The following FHIT variants were observed in gnomAD, a reference collection of about 807,000 sequenced individuals.
The protein encoded by FHIT is bis(5'-adenosyl)-triphosphatase.
In FHIT, 19 loss-of-function variants were observed where a neutral mutation model predicts 17.9. The observed-to-expected ratio is 1.06, with a 90% confidence interval of 0.74 to 1.56. The LOEUF is 1.56. Among genes scored for constraint, FHIT ranks in the 40% most tolerant of loss-of-function variants. FHIT has a pLI of 0.00. For missense variants in FHIT, 248 were observed against 189.2 expected (o/e 1.31, Z -1.82); for synonymous variants, 81 against 69.7 (o/e 1.16, Z -0.81).
chr3:60,960,557 T>A (rs1014032717), intron 3 of FHIT, among the ~76,000 whole-genome samples: 2 of 152,220 alleles, frequency 1.3e-5, no homozygotes, highest in Non-Finnish European at 2.9e-5. Context: ...TATTTCCTAA[T>A]GCTATCCGTC....
intron 5 of FHIT, among the ~76,000 whole-genome samples, chr3:60,534,043 T>C (rs573446021): frequency 5.5e-4 from 84 of 152,228 alleles, no homozygotes; most frequent in African/African-American, 2.0e-3. Context: ...ATTTATGAAA[T>C]GTTAGTGGAC....
intron 4 of FHIT, among the ~76,000 whole-genome samples, chr3:60,668,371 GAAAA>G (rs60941309): frequency 1.5e-5 from 1 of 68,030 alleles, no homozygotes; most frequent in Admixed American, 2.0e-4. Flanking sequence ...GCTCAATCAG[GAAAA>G]AAAAAAAAAA....
chr3:60,243,726 T>C (rs1002129018), intron 5 of FHIT, among the ~76,000 whole-genome samples: 1 of 152,126 alleles, frequency 6.6e-6, no homozygotes, highest in African/African-American at 2.4e-5. Flanking sequence ...ATATAATCTG[T>C]ACGACAGTGG....
chr3:60,625,328 T>C (rs1040378237), intron 4 of FHIT, among the ~76,000 whole-genome samples: 1 of 152,228 alleles, frequency 6.6e-6, no homozygotes, highest in African/African-American at 2.4e-5. Flanking sequence ...CTGAATCATA[T>C]GGCAATTCGT....
At chr3:60,758,365 G>A (rs567162053) in intron 4 of FHIT, among the ~76,000 whole-genome samples, 1 of 152,286 alleles carries the variant, frequency 6.6e-6, no homozygotes, top group African/African-American at 2.4e-5. Flanking sequence ...CCAATGTATG[G>A]ATGCCATCTG....
intron 3 of FHIT, among the ~76,000 whole-genome samples, chr3:60,974,168 G>A (rs1710140586): frequency 6.6e-6 from 1 of 152,140 alleles, no homozygotes; most frequent in African/African-American, 2.4e-5. Context: ...ATTTGAAATA[G>A]CCAGTAGAAA....
intron 5 of FHIT, among the ~76,000 whole-genome samples, chr3:60,114,488 C>CTTTTTTTTTTTTTTTTTTTTTTTTT (rs145618938): frequency 3.4e-5 from 2 of 59,480 alleles, no homozygotes; most frequent in Non-Finnish European, 5.8e-5. Context: ...CAAGAGAAAT[C>CTTTTTTTTTTTTTTTTTTTTTTTTT]CTTTTTTTTT....
intron 3 of FHIT, among the ~76,000 whole-genome samples, chr3:60,945,300 G>C (rs1326839370): frequency 6.6e-6 from 1 of 152,146 alleles, no homozygotes; most frequent in East Asian, 1.9e-4. Context: ...AGTGGTATGA[G>C]ACTAGGTAAA....
At chr3:60,962,360 G>A (rs1223988268) in intron 3 of FHIT, among the ~76,000 whole-genome samples, 4 of 152,126 alleles carry the variant, frequency 2.6e-5, no homozygotes, top group African/African-American at 4.8e-5. Context: ...TAAATGTACA[G>A]TCATGTCATC....
At chr3:59,863,695 G>A (rs1478893041) in intron 8 of FHIT, among the ~76,000 whole-genome samples, 1 of 152,178 alleles carries the variant, frequency 6.6e-6, no homozygotes, top group Admixed American at 6.5e-5. Context: ...AGGCAAAATG[G>A]ATTACATAGC....
chr3:60,280,206 T>A (rs963523155), intron 5 of FHIT, among the ~76,000 whole-genome samples: 1 of 151,980 alleles, frequency 6.6e-6, no homozygotes, highest in Admixed American at 6.6e-5. Flanking sequence ...AAACTAGGAA[T>A]AGATGAAACT....
At chr3:60,672,835 T>C (rs2107845357) in intron 4 of FHIT, among the ~76,000 whole-genome samples, 1 of 151,744 alleles carries the variant, frequency 6.6e-6, no homozygotes, top group Middle Eastern at 3.4e-3. Flanking sequence ...TTTCCATCTT[T>C]ATACCACTAT....
chr3:60,902,350 T>C (rs1041454524), intron 3 of FHIT, among the ~76,000 whole-genome samples: 5 of 152,220 alleles, frequency 3.3e-5, no homozygotes, highest in African/African-American at 1.2e-4. Context: ...TATTGCTGAA[T>C]GGCATCCTAT....
At chr3:61,008,213 T>G (rs1320092170) in intron 3 of FHIT, among the ~76,000 whole-genome samples, 2 of 152,194 alleles carry the variant, frequency 1.3e-5, no homozygotes, top group East Asian at 3.9e-4. Context: ...AGGTAATCAA[T>G]ATCTCAGCCA....
intron 5 of FHIT, among the ~76,000 whole-genome samples, chr3:60,328,805 G>A (rs927830532): frequency 2.6e-5 from 4 of 152,124 alleles, no homozygotes; most frequent in African/African-American, 9.7e-5. Context: ...TCTTTACCAG[G>A]AGCAGTTTTC....
chr3:60,296,864 T>C (rs76017095), intron 5 of FHIT, among the ~76,000 whole-genome samples: 680 of 151,692 alleles, frequency 4.5e-3, no homozygotes, highest in Non-Finnish European at 7.3e-3. Context: ...TTTTCCTAAC[T>C]GTACAATTTG....
rs561713310 is a variant in FHIT, at chr3:60,595,586, C to T, written c.-17-58607G>A. On this transcript the variant is annotated intron_variant, in intron 4 of 9. Coordinates refer to ENST00000492590, the MANE Select transcript of FHIT (RefSeq NM_002012.4). ...ATGTGTATATATATATACGCACATA[C>T]GTATGTGTATATACGTGTAGATATA... 1.1e-3 allele frequency among the ~76,000 whole-genome samples: 163 copies of T among 149,386 alleles called. 2 individuals are homozygous for T. Among genetic ancestry groups the T allele is most frequent in the Middle Eastern group, 0.01 (3 of 288 alleles).
intron 8 of FHIT, among the ~76,000 whole-genome samples, chr3:59,882,793 T>A (rs1016531452): frequency 1.2e-4 from 18 of 152,206 alleles, no homozygotes; most frequent in Non-Finnish European, 2.4e-4. Flanking sequence ...ATATCAGCCT[T>A]GGTTTTGCCT....
chr3:60,328,008 T>A lies in FHIT; in HGVS notation c.103+208852A>T, dbSNP rs144839059. On this transcript the variant is annotated intron_variant, in intron 5 of 9. Transcript: ENST00000492590. ...GAGAGCTAAAACATGGAGGAAGGAC[T>A]ATCAATGTCAAATGTAATGCTCACT... is the stretch of plus-strand genomic sequence containing the variant. 6.5e-4 allele frequency among the ~76,000 whole-genome samples: 99 copies of A among 152,234 alleles called. 1 individual carries two copies. Among genetic ancestry groups the A allele is most frequent in the African/African-American group, 2.3e-3 (96 of 41,518 alleles).
Sources: gnomAD v4.1 joint callset for allele counts (sites outside exome capture counted in the v4.1 genomes callset) on GRCh38, gnomAD v4.1.1 for gene constraint, MANE v1.5 for transcripts, NCBI Gene and HGNC (gene_info 2026-07-23, HGNC 2026-07-21) for gene names.